Variants in MPPED2 observed in about 807,000 individuals in gnomAD.
The protein encoded by MPPED2 is metallophosphoesterase MPPED2.
Under a neutral mutation model 33.0 loss-of-function variants are expected in MPPED2, and 5 were observed. The ratio of observed to expected loss-of-function variants is 0.15; its 90% CI spans 0.08 to 0.32. The LOEUF is 0.32. Ranked by LOEUF, MPPED2 falls within the 10% of genes least tolerant of loss-of-function variation. The pLI is 1.00. For missense variants in MPPED2, 275 were observed against 372.1 expected, an observed-to-expected ratio of 0.74 and a Z score of 2.15; for synonymous variants, 136 against 141.9, an observed-to-expected ratio of 0.96 and a Z score of 0.29.
chr11:30,432,435 A>AG (rs2133852005), intron 4 of MPPED2, among the ~76,000 whole-genome samples: 1 of 134,352 alleles, frequency 7.4e-6, no homozygotes, highest in East Asian at 1.9e-4. Flanking sequence ...AGCAGGTTAT[A>AG]GTTTACTTCT....
rs1040592279 is a variant in MPPED2, at chr11:30,451,685, G to T, written c.537-34052C>A. On this transcript the variant is annotated intron_variant, in intron 4 of 6. Transcript: ENST00000358117. Reference sequence around the variant, plus strand: ...TTCACTTAACTTTTACTATTTCCTTGTGTATTTCAAAAACATTAGAGAAAC... The same window carrying T: ...TTCACTTAACTTTTACTATTTCCTTTTGTATTTCAAAAACATTAGAGAAAC... 13 of 953,218 alleles carry T rather than the reference G, an allele frequency of 1.4e-5. No individual in the cohort carries two copies. In the African/African-American group the frequency reaches 2.1e-4, roughly 16 times the overall value. 59.0% of individuals were successfully genotyped at this position (953,218 alleles called of 1,614,324 possible).
chr11:30,462,222 G>A (rs1950540255), intron 4 of MPPED2, among the ~76,000 whole-genome samples: 1 of 152,070 alleles, frequency 6.6e-6, no homozygotes, highest in Non-Finnish European at 1.5e-5. Flanking sequence ...CCATTACCAG[G>A]GAGTAATCAA....
chr11:30,558,120 A>G (rs930633494), intron 2 of MPPED2, among the ~76,000 whole-genome samples: 4 of 152,188 alleles, frequency 2.6e-5, no homozygotes, highest in Non-Finnish European at 5.9e-5. Flanking sequence ...CCAATAGAAC[A>G]TGCACACACA....
chr11:30,400,362 C>G (rs1305632931), intron 6 of MPPED2, among the ~76,000 whole-genome samples: 1 of 152,120 alleles, frequency 6.6e-6, no homozygotes, highest in Non-Finnish European at 1.5e-5. Flanking sequence ...AAATGTGGAC[C>G]ACTGCACCTG....
In MPPED2 at chr11:30,411,330, C is replaced by A; in HGVS notation, c.*138G>T. 7.4e-7 allele frequency: 1 copy of A among 1,352,800 alleles called. No homozygotes were observed. The highest frequency in any genetic ancestry group is 9.6e-7 in the Non-Finnish European group (1 of 1,041,176). 83.8% of individuals were successfully genotyped at this position (1,352,800 alleles called of 1,614,324 possible). On this transcript the variant is annotated 3_prime_UTR_variant, in exon 7 of 7. Transcript: ENST00000358117. Reference sequence around the variant, plus strand: ...AATAAAATAAAATAAGAAGCACAACCTCTAGCATCATTTGTGTTCCAACAA... The same window carrying A: ...AATAAAATAAAATAAGAAGCACAACATCTAGCATCATTTGTGTTCCAACAA...
intron 6 of MPPED2, among the ~76,000 whole-genome samples, chr11:30,399,681 A>G (rs961229739): frequency 1.3e-5 from 2 of 152,238 alleles, no homozygotes; most frequent in Non-Finnish European, 2.9e-5. Flanking sequence ...GTAGAGTCTC[A>G]GTAAATAAAT....
intron 3 of MPPED2, chr11:30,504,698 T>A (rs1461006788): frequency 9.3e-7 from 1 of 1,077,866 alleles, no homozygotes; most frequent in Non-Finnish European, 1.3e-6. Flanking sequence ...GCTCCATTAA[T>A]TTTCACAAGT....
At chr11:30,514,631 C>A (rs1425505191) in intron 3 of MPPED2, among the ~76,000 whole-genome samples, 1 of 152,118 alleles carries the variant, frequency 6.6e-6, no homozygotes, top group Non-Finnish European at 1.5e-5. Flanking sequence ...GTGTTTCAAC[C>A]AAGCAAAGCT....
chr11:30,496,862 G>A (rs1952287293), intron 3 of MPPED2, among the ~76,000 whole-genome samples: 2 of 147,376 alleles, frequency 1.4e-5, no homozygotes, highest in Admixed American at 1.4e-4. Context: ...TTTTAAGACT[G>A]CCAAACCATG....
chr11:30,560,803 C>A (rs1956207706), intron 2 of MPPED2, among the ~76,000 whole-genome samples: 1 of 152,272 alleles, frequency 6.6e-6, no homozygotes. Flanking sequence ...ACTGAATCTG[C>A]TTATTTATAG....
chr11:30,514,032 G>A (rs1428693111), intron 3 of MPPED2, among the ~76,000 whole-genome samples: 1 of 152,176 alleles, frequency 6.6e-6, no homozygotes, highest in Non-Finnish European at 1.5e-5. Flanking sequence ...GACTCATTAA[G>A]CAGATGCTAT....
downstream of MPPED2, among the ~76,000 whole-genome samples, chr11:30,408,392 A>C (rs371247902): frequency 6.6e-6 from 1 of 152,118 alleles, no homozygotes; most frequent in South Asian, 2.1e-4. Flanking sequence ...GCTCACTGCA[A>C]CCTCTGCCTC....
intron 4 of MPPED2, among the ~76,000 whole-genome samples, chr11:30,479,153 G>A (rs958004108): frequency 1.9e-4 from 29 of 151,974 alleles, no homozygotes; most frequent in African/African-American, 6.8e-4. Flanking sequence ...GAGGGAGGGA[G>A]ATCACACTGG....
intron 3 of MPPED2, among the ~76,000 whole-genome samples, chr11:30,507,546 C>T (rs1020457021): frequency 6.6e-6 from 1 of 152,114 alleles, no homozygotes; most frequent in African/African-American, 2.4e-5. Context: ...ATTTCAAGTA[C>T]AATATTTACA....
chr11:30,461,629 G>A (rs1466786585), intron 4 of MPPED2, among the ~76,000 whole-genome samples: 4 of 152,072 alleles, frequency 2.6e-5, no homozygotes, highest in African/African-American at 9.7e-5. Context: ...ATGGAGACTT[G>A]CCTGACCTTA....
chr11:30,532,204 C>T (rs1368669707), intron 3 of MPPED2, among the ~76,000 whole-genome samples: 6 of 152,210 alleles, frequency 3.9e-5, no homozygotes, highest in Admixed American at 3.9e-4. Context: ...CATCCTGCCC[C>T]ATCCAAATTC....
At chr11:30,413,585 A>T (rs1394937631) in intron 6 of MPPED2, among the ~76,000 whole-genome samples, 1 of 152,222 alleles carries the variant, frequency 6.6e-6, no homozygotes, top group South Asian at 2.1e-4. Context: ...ACCAGTTCCT[A>T]TTTAAGAGAG....
At chr11:30,558,718 AGCCC>A (rs1956103280) in intron 2 of MPPED2, among the ~76,000 whole-genome samples, 1 of 151,436 alleles carries the variant, frequency 6.6e-6, no homozygotes, top group Non-Finnish European at 1.5e-5. Flanking sequence ...CACCTTGCCC[AGCCC>A]TTCCTTCTTT....
chr11:30,568,136 T>C (rs1212983075), intron 2 of MPPED2, among the ~76,000 whole-genome samples: 1 of 152,240 alleles, frequency 6.6e-6, no homozygotes, highest in East Asian at 1.9e-4. Flanking sequence ...CTAAGTGCTT[T>C]ACTGGGCACT....
Sources: gnomAD v4.1 joint callset for allele counts (sites outside exome capture counted in the v4.1 genomes callset) on GRCh38, gnomAD v4.1.1 for gene constraint, MANE v1.5 for transcripts, NCBI Gene and HGNC (gene_info 2026-07-23, HGNC 2026-07-21) for gene names.